ADGRL3: variants seen among roughly 807,000 people sequenced by gnomAD.
ADGRL3 encodes adhesion G protein-coupled receptor L3, also known as calcium-independent alpha-latrotoxin receptor 3.
Under a neutral mutation model 153.5 loss-of-function variants are expected in ADGRL3, and 62 were observed. That is an observed-to-expected ratio of 0.40 (90% CI 0.33 to 0.50). The LOEUF is 0.50. Among genes scored for constraint, ADGRL3 ranks in the 20% least tolerant of loss-of-function variants. The pLI is 0.47. For synonymous variants in ADGRL3, 710 were observed against 672.5 expected, an observed-to-expected ratio of 1.06 and a Z score of -0.86; for missense variants, 1,641 against 1,859.4, an observed-to-expected ratio of 0.88 and a Z score of 2.16.
rs1388742326 is a variant in ADGRL3, at chr4:62,077,936, T to C, written c.*7028T>C. On this transcript the variant is annotated 3_prime_UTR_variant, in exon 27 of 27. Coordinates refer to ENST00000683033, the MANE Select transcript of ADGRL3 (RefSeq NM_001387552.1). ...CAAGATTTGTAGAGTCAGGTTGATT[T>C]GCCTTCATTTAATTCCTGCAAATGC... 2 of 151,978 alleles carry C rather than the reference T, an allele frequency of 1.3e-5. No homozygotes were observed. Among genetic ancestry groups the C allele is most frequent in the East Asian group, 3.9e-4 (2 of 5,178 alleles). 9.4% of individuals were successfully genotyped at this position (151,978 alleles called of 1,614,324 possible).
intron 1 of ADGRL3, among the ~76,000 whole-genome samples, chr4:61,280,828 C>A (rs1336179076): frequency 6.6e-6 from 1 of 152,034 alleles, no homozygotes; most frequent in Admixed American, 6.6e-5. Flanking sequence ...ATCCACTTAG[C>A]AAAATGCTTT....
At chr4:61,220,202 G>T (rs1364189142) in intron 1 of ADGRL3, among the ~76,000 whole-genome samples, 1 of 151,938 alleles carries the variant, frequency 6.6e-6, no homozygotes, top group African/African-American at 2.4e-5. Context: ...TAGAGTATTT[G>T]GTTATGAAAA....
At position 61,312,025 on chromosome 4, in the gene ADGRL3, A is replaced by T. The variant is rs375244064; in HGVS notation, c.-239-71099A>T. Among the ~76,000 whole-genome samples the T allele has an allele frequency of 1.6e-4, 25 of 152,290 alleles. No homozygotes were observed. In the East Asian group the frequency reaches 2.1e-3, roughly 13 times the overall value. On this transcript the variant is annotated intron_variant, in intron 1 of 26. Transcript: ENST00000683033. ...TGAGAGATCTCTGTACCTTCCACTC[A>T]GGTTTTCTGTGAAGCTAAAACTGCT...
chr4:61,726,019 T>G (rs1245895379), intron 6 of ADGRL3, among the ~76,000 whole-genome samples: 1 of 152,160 alleles, frequency 6.6e-6, no homozygotes, highest in Non-Finnish European at 1.5e-5. Flanking sequence ...TATAAAATGC[T>G]GTTCATATAT....
chr4:61,881,685 T>C (rs1452560445), intron 9 of ADGRL3, among the ~76,000 whole-genome samples: 1 of 152,232 alleles, frequency 6.6e-6, no homozygotes, highest in African/African-American at 2.4e-5. Flanking sequence ...GCTAATTTTA[T>C]TTTTCTTGAA....
At chr4:61,478,182 G>A (rs1246959806) in intron 2 of ADGRL3, among the ~76,000 whole-genome samples, 1 of 151,974 alleles carries the variant, frequency 6.6e-6, no homozygotes, top group Non-Finnish European at 1.5e-5. Flanking sequence ...GGGCATTTAG[G>A]ATGAACTATA....
chr4:61,865,594 C>T (rs765941639), intron 9 of ADGRL3, among the ~76,000 whole-genome samples: 9 of 152,162 alleles, frequency 5.9e-5, no homozygotes, highest in Non-Finnish European at 1.3e-4. Flanking sequence ...ATTCAGTGTA[C>T]AGTTCCAGAT....
intron 6 of ADGRL3, among the ~76,000 whole-genome samples, chr4:61,721,692 AT>A (rs1242023414): frequency 5.3e-5 from 8 of 152,342 alleles, no homozygotes; most frequent in Non-Finnish European, 1.2e-4. Flanking sequence ...AGGGTTTTAC[AT>A]GCACAGTCAC....
At chr4:61,410,161 A>T (rs554274322) in intron 2 of ADGRL3, among the ~76,000 whole-genome samples, 84 of 152,158 alleles carry the variant, frequency 5.5e-4, no homozygotes, top group African/African-American at 1.9e-3. Flanking sequence ...TTAATTTTTT[A>T]AAAAATGACT....
intron 25 of ADGRL3, among the ~76,000 whole-genome samples, chr4:62,061,536 G>A (rs916530198): frequency 1.3e-5 from 2 of 151,908 alleles, no homozygotes; most frequent in African/African-American, 4.8e-5. Context: ...CACCATCATA[G>A]TGAAGATACA....
At chr4:62,033,387 C>T (rs1165686461) in intron 23 of ADGRL3, among the ~76,000 whole-genome samples, 2 of 151,626 alleles carry the variant, frequency 1.3e-5, no homozygotes, top group African/African-American at 4.8e-5. Context: ...TGGCAGTCTG[C>T]CACACTTAAT....
intron 6 of ADGRL3, among the ~76,000 whole-genome samples, chr4:61,714,481 C>T (rs1014645189): frequency 2.0e-5 from 3 of 152,118 alleles, no homozygotes; most frequent in Non-Finnish European, 4.4e-5. Context: ...TTTGTGGGCA[C>T]GCAGGCCTAC....
intron 6 of ADGRL3, among the ~76,000 whole-genome samples, chr4:61,722,000 A>G (rs1016295878): frequency 6.6e-6 from 1 of 152,202 alleles, no homozygotes; most frequent in East Asian, 1.9e-4. Flanking sequence ...TTGGAAGATT[A>G]TAGTAATGAA....
chr4:61,302,674 A>C (rs1309481102), intron 1 of ADGRL3, among the ~76,000 whole-genome samples: 2 of 152,158 alleles, frequency 1.3e-5, no homozygotes, highest in Admixed American at 1.3e-4. Flanking sequence ...CAGAAAACAA[A>C]ATTCTAACTC....
At chr4:61,268,876 T>C (rs1242654299) in intron 1 of ADGRL3, among the ~76,000 whole-genome samples, 1 of 151,576 alleles carries the variant, frequency 6.6e-6, no homozygotes, top group Non-Finnish European at 1.5e-5. Flanking sequence ...TTTATGTATT[T>C]GGAGAGCACT....
chr4:61,646,526 G>C (rs960233849), intron 5 of ADGRL3, among the ~76,000 whole-genome samples: 1 of 146,818 alleles, frequency 6.8e-6, no homozygotes, highest in Non-Finnish European at 1.5e-5. Flanking sequence ...GTCTGTTGGA[G>C]TACTGGGCCC....
At chr4:61,777,287 C>T (rs745793801) in intron 8 of ADGRL3, among the ~76,000 whole-genome samples, 12 of 151,888 alleles carry the variant, frequency 7.9e-5, no homozygotes, top group Non-Finnish European at 1.6e-4. Context: ...GAGCAGAGAT[C>T]GCGCCACTGC....
At chr4:61,911,193 A>G (rs560784714) in intron 12 of ADGRL3, among the ~76,000 whole-genome samples, 3 of 152,170 alleles carry the variant, frequency 2.0e-5, no homozygotes, top group African/African-American at 7.2e-5. Context: ...TTAATGTTAC[A>G]TATCCATAAC....
At chr4:62,055,566 CTG>C (rs1736550756) in intron 25 of ADGRL3, among the ~76,000 whole-genome samples, 2 of 151,712 alleles carry the variant, frequency 1.3e-5, no homozygotes, top group Admixed American at 1.3e-4. Flanking sequence ...TTTTTTGACT[CTG>C]TAATGTCATT....
Sources: gnomAD v4.1 joint callset for allele counts (sites outside exome capture counted in the v4.1 genomes callset) on GRCh38, gnomAD v4.1.1 for gene constraint, MANE v1.5 for transcripts, NCBI Gene and HGNC (gene_info 2026-07-23, HGNC 2026-07-21) for gene names.